SGCZ: variants seen among roughly 807,000 people sequenced by gnomAD.
SGCZ encodes sarcoglycan zeta.
Under a neutral mutation model 41.3 loss-of-function variants are expected in SGCZ, and 40 were observed. The observed-to-expected ratio is 0.97, with a 90% confidence interval of 0.75 to 1.26. SGCZ has a LOEUF of 1.26. SGCZ is among the 50% of genes most tolerant of loss of function. SGCZ has a pLI of 0.00. For missense variants in SGCZ, 552 were observed against 369.8 expected, an observed-to-expected ratio of 1.49 and a Z score of -4.04; for synonymous variants, 206 against 137.5, an observed-to-expected ratio of 1.50 and a Z score of -3.49.
chr8:14,320,816 G>A (rs1358574484), intron 3 of SGCZ, among the ~76,000 whole-genome samples: 2 of 152,048 alleles, frequency 1.3e-5, no homozygotes, highest in African/African-American at 4.8e-5. Flanking sequence ...CCTCACCTAA[G>A]AGTCCTTGAA....
chr8:14,134,740 C>CTGTG (rs1803145556), intron 5 of SGCZ, among the ~76,000 whole-genome samples: 2 of 152,228 alleles, frequency 1.3e-5, no homozygotes, highest in African/African-American at 2.4e-5. Context: ...TTCGTTTTCT[C>CTGTG]TGTGTCCTGA....
chr8:14,671,233 T>C (rs1808091625), intron 1 of SGCZ, among the ~76,000 whole-genome samples: 1 of 152,190 alleles, frequency 6.6e-6, no homozygotes, highest in Admixed American at 6.5e-5. Flanking sequence ...GTTCTCGCAG[T>C]GGTGTCATGT....
rs539042850 is a variant in SGCZ, at chr8:14,917,843, G to T, written c.39+319742C>A. On this transcript the variant is annotated intron_variant, in intron 1 of 7. Transcript: ENST00000382080. The stretch of plus-strand genomic sequence containing the variant: ...GTGCCTTTCTCACATCATTAATTAG[G>T]AGGTTAGTATAAGATATGGAATGAT... Among the ~76,000 whole-genome samples, 18 of 152,186 alleles carry T rather than the reference G, an allele frequency of 1.2e-4. No homozygotes were observed. The East Asian group carries it at 3.5e-3, about 29-fold the overall frequency.
chr8:14,426,324 A>G (rs1799781515), intron 2 of SGCZ, among the ~76,000 whole-genome samples: 1 of 152,156 alleles, frequency 6.6e-6, no homozygotes, highest in African/African-American at 2.4e-5. Flanking sequence ...TGAAGGAAGC[A>G]TGTAGGGAAT....
rs919141646 is a variant in SGCZ at position 14,826,744 on chromosome 8, G to A, written c.40-271818C>T. Among the ~76,000 whole-genome samples the A allele has an allele frequency of 1.3e-5, 2 of 152,138 alleles. 1 individual carries two copies. The highest frequency in any genetic ancestry group is 4.1e-4 in the South Asian group (2 of 4,824). On this transcript the variant is annotated intron_variant, in intron 1 of 7. Coordinates refer to ENST00000382080, the MANE Select transcript of SGCZ (RefSeq NM_139167.4). ...GCATAAATGTCTTCTTTTGAGAAGT[G>A]TCTGTTTATATCCTTTGCCGACTTT...
chr8:14,248,381 C>T (rs564034832), intron 3 of SGCZ, among the ~76,000 whole-genome samples: 10 of 152,154 alleles, frequency 6.6e-5, no homozygotes, highest in East Asian at 1.9e-4. Context: ...TGATAATGTG[C>T]GTGTGTAGAG....
intron 1 of SGCZ, among the ~76,000 whole-genome samples, chr8:14,812,958 A>C (rs1011965538): frequency 6.6e-6 from 1 of 152,202 alleles, no homozygotes; most frequent in Non-Finnish European, 1.5e-5. Context: ...TAATTATATA[A>C]CTCAAGAAGC....
chr8:14,858,062 T>A (rs1803601748), intron 1 of SGCZ, among the ~76,000 whole-genome samples: 1 of 152,134 alleles, frequency 6.6e-6, no homozygotes. Context: ...TTAGAGTCTC[T>A]GTTATAAAAG....
chr8:14,124,437 A>G (rs1802791461), intron 5 of SGCZ, among the ~76,000 whole-genome samples: 1 of 152,148 alleles, frequency 6.6e-6, no homozygotes, highest in Non-Finnish European at 1.5e-5. Context: ...ATTTTTATAT[A>G]CTCCAGCAAG....
At chr8:14,855,148 G>C (rs1387670227) in intron 1 of SGCZ, among the ~76,000 whole-genome samples, 1 of 151,876 alleles carries the variant, frequency 6.6e-6, no homozygotes, top group Non-Finnish European at 1.5e-5. Context: ...TGCCTCCTGG[G>C]CTCAAGCGAT....
chr8:15,198,595 C>G (rs1800804552), intron 1 of SGCZ, among the ~76,000 whole-genome samples: 1 of 152,166 alleles, frequency 6.6e-6, no homozygotes, highest in Non-Finnish European at 1.5e-5. Context: ...TATCAAGTAG[C>G]TACAACTCTA....
At chr8:14,951,041 G>A in intron 1 of SGCZ, among the ~76,000 whole-genome samples, 1 of 151,948 alleles carries the variant, frequency 6.6e-6, no homozygotes, top group African/African-American at 2.4e-5. Context: ...TCAACAGTGT[G>A]GAGAAAATAA....
At position 14,656,778 on chromosome 8, in the gene SGCZ, A is replaced by AT. The variant is rs567108941; in HGVS notation, c.40-101853dup. ...ATTTATGAGGAATATAGAAAACAAC[A>AT]TTTTTTCTAAAATGGAAATTGTGTA... On this transcript the variant is annotated intron_variant, in intron 1 of 7. Coordinates refer to ENST00000382080, the MANE Select transcript of SGCZ (RefSeq NM_139167.4). Among the ~76,000 whole-genome samples, 553 of 151,942 alleles carry AT rather than the reference A, an allele frequency of 3.6e-3. 9 individuals carry two copies. The highest frequency in any genetic ancestry group is 0.013 in the African/African-American group (534 of 41,444).
At chr8:14,963,849 C>G (rs1801045499) in intron 1 of SGCZ, among the ~76,000 whole-genome samples, 1 of 152,134 alleles carries the variant, frequency 6.6e-6, no homozygotes, top group Non-Finnish European at 1.5e-5. Context: ...CCCAAAGTTT[C>G]ACGCTTTCCT....
intron 4 of SGCZ, among the ~76,000 whole-genome samples, chr8:14,194,717 A>C (rs949578074): frequency 3.3e-5 from 5 of 152,034 alleles, no homozygotes; most frequent in Non-Finnish European, 5.9e-5. Flanking sequence ...AACATCAGTA[A>C]ATGCAGCACA....
At chr8:14,990,629 T>A (rs1365964290) in intron 1 of SGCZ, among the ~76,000 whole-genome samples, 1 of 152,148 alleles carries the variant, frequency 6.6e-6, no homozygotes. Flanking sequence ...GAAATCGAGA[T>A]CATGGCTCTC....
At chr8:14,253,742 T>C (rs2117213640) in intron 3 of SGCZ, among the ~76,000 whole-genome samples, 1 of 152,274 alleles carries the variant, frequency 6.6e-6, no homozygotes, top group African/African-American at 2.4e-5. Flanking sequence ...TAGCTTATTC[T>C]TGCTTTACAG....
chr8:14,440,750 CGT>C lies in SGCZ; in HGVS notation c.234+113980_234+113981del, dbSNP rs1563330952. On this transcript the variant is annotated intron_variant, in intron 2 of 7. Coordinates refer to ENST00000382080, the MANE Select transcript of SGCZ (RefSeq NM_139167.4). ...GTATATGTATATATGTATATACATA[CGT>C]ATACACGTATATGTATATATGTATA... Among the ~76,000 whole-genome samples, 8 of 90,940 alleles carry C rather than the reference CGT, an allele frequency of 8.8e-5. No individual in the cohort carries two copies. In the East Asian group the frequency reaches 9.7e-4, roughly 11 times the overall value. 59.7% of individuals were successfully genotyped at this position (90,940 alleles called of 152,430 possible).
At chr8:14,328,108 T>C (rs1263359665) in intron 2 of SGCZ, among the ~76,000 whole-genome samples, 1 of 152,208 alleles carries the variant, frequency 6.6e-6, no homozygotes, top group Non-Finnish European at 1.5e-5. Flanking sequence ...CCATATTACC[T>C]AGATGAAATG....
Sources: gnomAD v4.1 joint callset for allele counts (sites outside exome capture counted in the v4.1 genomes callset) on GRCh38, gnomAD v4.1.1 for gene constraint, MANE v1.5 for transcripts, NCBI Gene and HGNC (gene_info 2026-07-23, HGNC 2026-07-21) for gene names.